Variants in ARMC2 observed in about 807,000 individuals in gnomAD.
ARMC2 encodes the protein armadillo repeat-containing protein 2.
In ARMC2, 67 loss-of-function variants were observed where a neutral mutation model predicts 90.3. The observed-to-expected ratio is 0.74, with a 90% CI of 0.61 to 0.91. The LOEUF is 0.91. Among genes scored for constraint, ARMC2 ranks in the 40% least tolerant of loss-of-function variants. ARMC2 has a pLI of 0.00. For synonymous variants in ARMC2, 393 were observed against 393.0 expected, an observed-to-expected ratio of 1.00 and a Z score of 0.00; for missense variants, 920 against 1,030.9, an observed-to-expected ratio of 0.89 and a Z score of 1.47.
chr6:108,907,458 C>CTTTTTTTTTTTTTTTTTTTATTT (rs1772867783), intron 8 of ARMC2, among the ~76,000 whole-genome samples: 1 of 104,454 alleles, frequency 9.6e-6, no homozygotes, highest in Non-Finnish European at 2.0e-5. Context: ...TTCTTTCTTT[C>CTTTTTTTTTTTTTTTTTTTATTT]TTTTTTTTTT....
chr6:109,022,591 AT>A, the ARMC2 span, among the ~76,000 whole-genome samples: 1 of 151,100 alleles, frequency 6.6e-6, no homozygotes, highest in Non-Finnish European at 1.5e-5. Flanking sequence ...TGTATTATTT[AT>A]TTTTTAAGTA....
intron 5 of ARMC2, among the ~76,000 whole-genome samples, chr6:108,888,454 A>G (rs571238794): frequency 9.6e-4 from 147 of 152,344 alleles, no homozygotes; most frequent in Non-Finnish European, 1.7e-3. Context: ...AGATGACTTT[A>G]TGTGGGGAAT....
At chr6:108,968,068 C>G (rs1778500818) in intron 17 of ARMC2, among the ~76,000 whole-genome samples, 1 of 152,126 alleles carries the variant, frequency 6.6e-6, no homozygotes, top group South Asian at 2.1e-4. Context: ...TCTTATTTCC[C>G]CTTTGCAACT....
At chr6:109,042,427 T>C in the ARMC2 span, among the ~76,000 whole-genome samples, 1 of 149,008 alleles carries the variant, frequency 6.7e-6, no homozygotes, top group Admixed American at 6.7e-5. Context: ...GCTGGTTCTT[T>C]GAAAAGAAAA....
At chr6:108,907,867 C>T (rs1772949198) in intron 8 of ARMC2, 17 of 1,610,480 alleles carry the variant, frequency 1.1e-5, no homozygotes, top group African/African-American at 5.3e-5. Context: ...GTACAACTGA[C>T]GCTATCTTAG....
chr6:108,975,311 C>T (rs895706321), downstream of ARMC2, among the ~76,000 whole-genome samples: 1 of 152,126 alleles, frequency 6.6e-6, no homozygotes, highest in Non-Finnish European at 1.5e-5. Context: ...CAAATTCATC[C>T]ATGTCCCTGC....
At chr6:108,853,539 C>A (rs1774215434) in intron 1 of ARMC2, among the ~76,000 whole-genome samples, 1 of 152,052 alleles carries the variant, frequency 6.6e-6, no homozygotes, top group African/African-American at 2.4e-5. Context: ...TTTTAAAAAT[C>A]TGTCCTATTT....
chr6:109,021,566 T>C, the ARMC2 span, among the ~76,000 whole-genome samples: 3 of 152,048 alleles, frequency 2.0e-5, no homozygotes, highest in African/African-American at 7.2e-5. Context: ...GCCTCGCAAT[T>C]AGCTGGGACT....
the ARMC2 span, chr6:108,986,722 ATGTCCCACAACT>A: frequency 6.6e-6 from 1 of 152,258 alleles, no homozygotes; most frequent in East Asian, 1.9e-4. Flanking sequence ...CTACAGCAAC[ATGTCCCACAACT>A]TTGGTGCTGG....
chr6:108,910,864 C>G, intron 8 of ARMC2, 35 bp from the exon 9 acceptor site: 1 of 1,050,902 alleles, frequency 9.5e-7, no homozygotes, highest in Non-Finnish European at 1.3e-6. Flanking sequence ...GTCTTTATTT[C>G]CTTCTGCAAT....
the ARMC2 span, among the ~76,000 whole-genome samples, chr6:109,032,194 C>A: frequency 6.6e-6 from 1 of 152,034 alleles, no homozygotes; most frequent in African/African-American, 2.4e-5. Flanking sequence ...ATCACTTGAA[C>A]CTGGAAGGCG....
chr6:108,922,384 T>C (rs1464267463), intron 10 of ARMC2, among the ~76,000 whole-genome samples: 1 of 152,156 alleles, frequency 6.6e-6, no homozygotes, highest in Non-Finnish European at 1.5e-5. Context: ...GCGATTCTCC[T>C]GCCTCAGCCA....
chr6:108,972,664 T>C lies in ARMC2; in HGVS notation c.2447-693T>C, dbSNP rs1400141320. On this transcript the variant is annotated intron_variant, in intron 17 of 17. Transcript: ENST00000392644. ...GTTGAAATAAGGGTTCAGTTCAATT[T>C]TGGATTTTTTATTTTTTGAGACAGG... 3.9e-5 allele frequency among the ~76,000 whole-genome samples: 6 copies of C among 152,230 alleles called. No individual in the cohort carries two copies. In the South Asian group the frequency reaches 6.2e-4, roughly 16 times the overall value.
the ARMC2 span, among the ~76,000 whole-genome samples, chr6:109,033,247 G>A: frequency 8.5e-5 from 13 of 152,108 alleles, no homozygotes; most frequent in Non-Finnish European, 1.9e-4. Flanking sequence ...AGTAACAAAG[G>A]TATAAACCAG....
At chr6:109,020,320 T>C in the ARMC2 span, among the ~76,000 whole-genome samples, 1 of 152,246 alleles carries the variant, frequency 6.6e-6, no homozygotes, top group Admixed American at 6.5e-5. Flanking sequence ...AGTATTGTAG[T>C]GATTATTTGT....
At chr6:108,942,049 C>T (rs1426499039) in intron 12 of ARMC2, among the ~76,000 whole-genome samples, 1 of 152,174 alleles carries the variant, frequency 6.6e-6, no homozygotes, top group Non-Finnish European at 1.5e-5. Context: ...CATAAGTCTT[C>T]ATAAACATTT....
At chr6:109,018,111 C>A in the ARMC2 span, among the ~76,000 whole-genome samples, 4 of 152,206 alleles carry the variant, frequency 2.6e-5, no homozygotes, top group East Asian at 7.7e-4. Context: ...CTGCTCTGGA[C>A]TTCCTTGTAT....
At chr6:109,051,468 AACCC>A in the ARMC2 span, among the ~76,000 whole-genome samples, 1 of 152,188 alleles carries the variant, frequency 6.6e-6, no homozygotes, top group Non-Finnish European at 1.5e-5. Context: ...GAGAAAATGT[AACCC>A]TTTAAGGAAT....
At chr6:109,006,147 G>A in the ARMC2 span, among the ~76,000 whole-genome samples, 1 of 152,246 alleles carries the variant, frequency 6.6e-6, no homozygotes, top group South Asian at 2.1e-4. Flanking sequence ...CAAAGAACAT[G>A]AGTCTATGAT....
Sources: gnomAD v4.1 joint callset for allele counts (sites outside exome capture counted in the v4.1 genomes callset) on GRCh38, gnomAD v4.1.1 for gene constraint, MANE v1.5 for transcripts, NCBI Gene and HGNC (gene_info 2026-07-23, HGNC 2026-07-21) for gene names.